Variants in TTLL1 observed in about 807,000 individuals in gnomAD.
TTLL1 encodes polyglutamylase complex subunit TTLL1.
Under a neutral mutation model 47.8 loss-of-function variants are expected in TTLL1, and 33 were observed. The observed-to-expected ratio is 0.69, with a 90% CI of 0.52 to 0.92. The LOEUF is 0.92. TTLL1 is among the 40% of genes least tolerant of loss of function. The pLI, the probability that TTLL1 is intolerant of heterozygous loss-of-function variation, is 0.00. For missense variants in TTLL1, 488 were observed against 547.5 expected (o/e 0.89, Z 1.08); for synonymous variants, 225 against 214.1 (o/e 1.05, Z -0.45).
At position 43,039,569 on chromosome 22, in the gene TTLL1, TAAAAA is replaced by T; in HGVS notation, c.*202_*206del. ...TGAAAATTCTGCTTAGGTTAAAAAT[TAAAAA>T]AAAAAGAGCGAGTTTTATACATCCG... On this transcript the variant is annotated 3_prime_UTR_variant, in exon 11 of 11. Coordinates refer to ENST00000266254, the MANE Select transcript of TTLL1 (RefSeq NM_012263.5). 2.4e-6 allele frequency: 1 copy of T among 416,504 alleles called. No homozygotes were observed. The highest frequency in any genetic ancestry group is 3.7e-6 in the Non-Finnish European group (1 of 272,502). The allele number at this position is 416,504 out of a possible 1,614,324, so 25.8% of individuals were successfully genotyped here.
rs906404832 is a variant in TTLL1, at chr22:43,066,992, GA to G, written c.503+1417del. 6.3e-3 allele frequency among the ~76,000 whole-genome samples: 875 copies of G among 139,488 alleles called. 7 individuals carry two copies. Among genetic ancestry groups the G allele is most frequent in the African/African-American group, 0.021 (804 of 38,284 alleles). 91.5% of individuals were successfully genotyped at this position (139,488 alleles called of 152,430 possible). On this transcript the variant is annotated intron_variant, in intron 5 of 10. Transcript: ENST00000266254. ...AACAGAGTGAGACTCCATCTCAAAA[GA>G]AAAAAAAAAAAGTAAACATGCTATA...
intron 8 of TTLL1, chr22:43,052,247 C>G (rs1347170497): frequency 3.5e-6 from 1 of 282,402 alleles, no homozygotes; most frequent in Admixed American, 4.2e-5. Context: ...AGCCTTATCA[C>G]AGACAAACAC....
intron 5 of TTLL1, 67 bp downstream of exon 5, chr22:43,068,343 G>C: frequency 7.5e-7 from 1 of 1,325,582 alleles, no homozygotes; most frequent in Non-Finnish European, 9.9e-7. Flanking sequence ...AACCCACAAA[G>C]ACTGCGAACA....
intron 1 of TTLL1, among the ~76,000 whole-genome samples, chr22:43,084,651 G>A (rs868530794): frequency 3.3e-5 from 5 of 152,132 alleles, no homozygotes; most frequent in Middle Eastern, 3.4e-3. Context: ...ACAGGCGCCC[G>A]CCACCACGCC....
chr22:43,054,175 C>A (rs1438917948), intron 8 of TTLL1, among the ~76,000 whole-genome samples: 4 of 152,166 alleles, frequency 2.6e-5, no homozygotes, highest in Admixed American at 6.6e-5. Flanking sequence ...ACTCCACACT[C>A]GTTACCTGCC....
chr22:43,043,681 G>A (rs927899876), intron 10 of TTLL1, among the ~76,000 whole-genome samples: 3 of 151,988 alleles, frequency 2.0e-5, no homozygotes, highest in East Asian at 1.9e-4. Context: ...GGGCTCCTGC[G>A]AGACGCTGCT....
At chr22:43,063,696 C>A (rs1927538259) in intron 7 of TTLL1, 117 bp downstream of exon 7, 1 of 834,606 alleles carries the variant, frequency 1.2e-6, no homozygotes. Context: ...GAACTCCTGA[C>A]CTCAGGTGAT....
At chr22:43,040,025 C>T in intron 10 of TTLL1, 120 bp from the exon 11 acceptor site, 2 of 1,371,434 alleles carry the variant, frequency 1.5e-6, no homozygotes, top group Non-Finnish European at 2.0e-6. Flanking sequence ...GGGGGCCCCA[C>T]CCTCGCGACT....
intron 5 of TTLL1, among the ~76,000 whole-genome samples, chr22:43,065,751 G>GCTAA (rs957085441): frequency 1.3e-5 from 2 of 151,980 alleles, no homozygotes; most frequent in African/African-American, 2.4e-5. Flanking sequence ...TAATCAGTTT[G>GCTAA]CTAACTTTAA....
At chr22:43,053,142 C>T (rs1926759118) in intron 8 of TTLL1, among the ~76,000 whole-genome samples, 1 of 152,188 alleles carries the variant, frequency 6.6e-6, no homozygotes, top group African/African-American at 2.4e-5. Context: ...CCTCCCCAGC[C>T]TGCCTGGATT....
At chr22:43,054,261 A>T (rs545324243) in intron 8 of TTLL1, among the ~76,000 whole-genome samples, 15 of 152,286 alleles carry the variant, frequency 9.8e-5, no homozygotes, top group Non-Finnish European at 1.9e-4. Flanking sequence ...GGCCCCTAAG[A>T]TGTATCTCCA....
At chr22:43,071,140 C>T (rs964205930) in intron 3 of TTLL1, among the ~76,000 whole-genome samples, 1 of 151,626 alleles carries the variant, frequency 6.6e-6, no homozygotes, top group Admixed American at 6.6e-5. Flanking sequence ...TGGTCTCAAA[C>T]TCCTGGATTC....
chr22:43,077,422 G>A (rs896791427), intron 2 of TTLL1, among the ~76,000 whole-genome samples: 1 of 152,118 alleles, frequency 6.6e-6, no homozygotes, highest in African/African-American at 2.4e-5. Flanking sequence ...TCCAAACAAG[G>A]TGCTGTACCC....
At chr22:43,081,846 C>CTTTT (rs58743481) in intron 1 of TTLL1, among the ~76,000 whole-genome samples, 1 of 56,418 alleles carries the variant, frequency 1.8e-5, no homozygotes, top group Non-Finnish European at 3.0e-5. Flanking sequence ...CACACCTGGC[C>CTTTT]TTTTTTTTTT....
rs1454404400 is a variant in TTLL1 at position 43,075,093 on chromosome 22, A to C, written c.113+381T>G. ...GGCAGGAGAATCGCTTGAACCCAGG[A>C]GGCAGAGATTGCAATGAGCTGAGAT... is the stretch of plus-strand genomic sequence containing the variant. On this transcript the variant is annotated intron_variant, in intron 3 of 10. Transcript: ENST00000266254. 3.3e-5 allele frequency among the ~76,000 whole-genome samples: 5 copies of C among 152,160 alleles called. No homozygotes were observed. The South Asian group carries it at 1.0e-3, about 32-fold the overall frequency.
At chr22:43,088,144 A>AAAATAAAT (rs201843622) in intron 1 of TTLL1, among the ~76,000 whole-genome samples, 1 of 151,624 alleles carries the variant, frequency 6.6e-6, no homozygotes, top group Admixed American at 6.6e-5. Flanking sequence ...ACTCCGTCTA[A>AAAATAAAT]AAATAAATAA....
chr22:43,059,361 TC>T (rs753221312), intron 8 of TTLL1, 22 bp downstream of exon 8: 2 of 1,585,342 alleles, frequency 1.3e-6, no homozygotes, highest in South Asian at 2.3e-5. Context: ...GGGAGCCGGC[TC>T]CCCCGCCCGC....
chr22:43,042,066 G>A lies in TTLL1; in HGVS notation c.1143-2161C>T, dbSNP rs906747682. ...CCACAGGATCAGATACCCCTACCCC[G>A]TGGGGACTCCACATTCATAAATGTC... On this transcript the variant is annotated intron_variant, in intron 10 of 10. Transcript: ENST00000266254. 6.6e-5 allele frequency among the ~76,000 whole-genome samples: 10 copies of A among 152,210 alleles called. No individual in the cohort carries two copies. In the South Asian group the frequency reaches 1.5e-3, roughly 22 times the overall value.
chr22:43,070,087 G>T (rs1928014528), intron 3 of TTLL1: 10 of 1,281,702 alleles, frequency 7.8e-6, no homozygotes, highest in Non-Finnish European at 9.9e-6. Context: ...TCCCTCTCTG[G>T]CCCGGAGCAG....
Sources: allele counts gnomAD v4.1 joint callset (sites outside exome capture counted in the v4.1 genomes callset), GRCh38; gene constraint gnomAD v4.1.1; transcripts MANE v1.5; gene names NCBI Gene and HGNC (gene_info 2026-07-23, HGNC 2026-07-21).